The following ZNF98 variants were observed in gnomAD, a reference collection of about 807,000 sequenced individuals.
ZNF98 encodes zinc finger protein 739.
In ZNF98, 8 loss-of-function variants were observed where a neutral mutation model predicts 12.8. That is an observed-to-expected ratio of 0.63 (90% CI 0.37 to 1.13). The LOEUF is 1.13. ZNF98 is among the 50% of genes most tolerant of loss of function. The probability of loss-of-function intolerance (pLI) is 0.01; values close to 1 mark genes in which losing one functional copy is unlikely to be tolerated. For synonymous variants in ZNF98, 112 were observed against 223.5 expected (o/e 0.50, Z 4.45); for missense variants, 379 against 666.1 (o/e 0.57, Z 4.74).
intron 1 of ZNF98, among the ~76,000 whole-genome samples, chr19:22,404,809 T>C (rs1289328313): frequency 2.0e-5 from 3 of 152,206 alleles, no homozygotes; most frequent in Non-Finnish European, 4.4e-5. Context: ...ATAATTTTTT[T>C]TTCAAAACTG....
chr19:22,412,988 G>A (rs1969596248), intron 1 of ZNF98, among the ~76,000 whole-genome samples: 1 of 152,120 alleles, frequency 6.6e-6, no homozygotes, highest in Non-Finnish European at 1.5e-5. Flanking sequence ...ACGAGGCGGA[G>A]CTTGCAGTGA....
intron 1 of ZNF98, among the ~76,000 whole-genome samples, chr19:22,420,127 C>T (rs1941721976): frequency 6.6e-6 from 1 of 152,158 alleles, no homozygotes; most frequent in Non-Finnish European, 1.5e-5. Flanking sequence ...CGCGCCACTG[C>T]ACTCCAGCCT....
chr19:22,404,780 A>G (rs1247081491), intron 1 of ZNF98, among the ~76,000 whole-genome samples: 3 of 152,204 alleles, frequency 2.0e-5, no homozygotes, highest in Non-Finnish European at 2.9e-5. Flanking sequence ...TTCACACCCT[A>G]AAGAGCAAGT....
chr19:22,416,116 C>T (rs1568296706), intron 1 of ZNF98, among the ~76,000 whole-genome samples: 1 of 151,012 alleles, frequency 6.6e-6, no homozygotes, highest in East Asian at 2.0e-4. Context: ...TGCACTCCAG[C>T]CTGGGCAACA....
intron 3 of ZNF98, among the ~76,000 whole-genome samples, chr19:22,401,863 T>C (rs1354699116): frequency 6.6e-6 from 1 of 151,834 alleles, no homozygotes; most frequent in Non-Finnish European, 1.5e-5. Flanking sequence ...TTCCAGTATT[T>C]TTTTTTTACA....
intron 1 of ZNF98, among the ~76,000 whole-genome samples, chr19:22,411,187 C>T (rs867543770): frequency 8.6e-5 from 13 of 151,868 alleles, no homozygotes; most frequent in Middle Eastern, 3.2e-3. Flanking sequence ...GAACTACAGG[C>T]ATGCGCCACC....
chr19:22,398,197 G>GA (rs1969418874), intron 3 of ZNF98, among the ~76,000 whole-genome samples: 1 of 152,168 alleles, frequency 6.6e-6, no homozygotes, highest in African/African-American at 2.4e-5. Flanking sequence ...AAATGAGCCA[G>GA]CCACAAACAG....
At position 22,413,904 on chromosome 19, in the gene ZNF98, CACAA is replaced by C. The variant is rs201955335; in HGVS notation, c.30+8287_30+8290del. 6.8e-3 allele frequency among the ~76,000 whole-genome samples: 892 copies of C among 130,948 alleles called. 10 individuals carry two copies. Among genetic ancestry groups the C allele is most frequent in the African/African-American group, 0.024 (847 of 34,880 alleles). The allele number at this position is 130,948 out of a possible 152,430, so 85.9% of individuals were successfully genotyped here. A position where few individuals can be genotyped will look rare whatever the true frequency, so the allele number is the denominator to read the frequency against. On this transcript the variant is annotated intron_variant, in intron 1 of 3. Transcript: ENST00000357774. The stretch of plus-strand genomic sequence containing the variant: ...AAAAAAAAAAAAAAGTCAGAGATGA[CACAA>C]ACAAATGGAAAACCATTTTATGCTC...
intron 3 of ZNF98, among the ~76,000 whole-genome samples, chr19:22,394,344 C>G (rs1255612633): frequency 2.6e-5 from 4 of 151,312 alleles, no homozygotes; most frequent in African/African-American, 9.7e-5. Flanking sequence ...GGGTATATAC[C>G]CAAAGGATTA....
chr19:22,395,259 C>G (rs1462286418), intron 3 of ZNF98, among the ~76,000 whole-genome samples: 6 of 149,700 alleles, frequency 4.0e-5, no homozygotes, highest in Admixed American at 2.0e-4. Context: ...AGACAAGGCA[C>G]ATCCTAAGAA....
chr19:22,414,729 T>C (rs1361867523), intron 1 of ZNF98, among the ~76,000 whole-genome samples: 7 of 152,028 alleles, frequency 4.6e-5, no homozygotes, highest in Non-Finnish European at 8.8e-5. Flanking sequence ...TATACAAAAA[T>C]CAACTAAAGA....
intron 3 of ZNF98, among the ~76,000 whole-genome samples, chr19:22,397,991 G>A: frequency 6.6e-6 from 1 of 150,716 alleles, no homozygotes; most frequent in Non-Finnish European, 1.5e-5. Context: ...CACATGAAGA[G>A]TCATTTGCAT....
intron 3 of ZNF98, among the ~76,000 whole-genome samples, chr19:22,394,812 G>T (rs1969371811): frequency 6.6e-6 from 1 of 152,078 alleles, no homozygotes; most frequent in Non-Finnish European, 1.5e-5. Flanking sequence ...AAATAAATAA[G>T]AAAGGTAAGT....
In ZNF98 at chr19:22,391,091, G is replaced by A. The variant is rs577722206; in HGVS notation, c.*425C>T. ...TATAAATTCTCTGATGTTGAACAAA[G>A]TTTGAGCAATTGCCTCAGGGTTTGC... On this transcript the variant is annotated 3_prime_UTR_variant, in exon 4 of 4. Transcript: ENST00000357774. 1 of 157,474 alleles carries A rather than the reference G, an allele frequency of 6.4e-6. No homozygotes were observed. The highest frequency in any genetic ancestry group is 6.2e-5 in the Admixed American group (1 of 16,212). The allele number at this position is 157,474 out of a possible 1,614,324, so 9.8% of individuals were successfully genotyped here.
intron 1 of ZNF98, 61 bp downstream of exon 1, chr19:22,422,134 T>C: frequency 6.2e-7 from 1 of 1,606,952 alleles, no homozygotes; most frequent in South Asian, 1.1e-5. Flanking sequence ...CCACAGCCTC[T>C]TCCCACCGGT....
In ZNF98 at chr19:22,391,396, G is replaced by A. The variant is rs1969319867; in HGVS notation, c.*120C>T. 11 of 1,476,090 alleles carry A rather than the reference G, an allele frequency of 7.5e-6. No homozygotes were observed. Among genetic ancestry groups the A allele is most frequent in the East Asian group, 2.5e-5 (1 of 40,660 alleles). The allele number at this position is 1,476,090 out of a possible 1,614,324, so 91.4% of individuals were successfully genotyped here. On this transcript the variant is annotated 3_prime_UTR_variant, in exon 4 of 4. Transcript: ENST00000357774. Reference sequence around the variant, plus strand: ...AAGGCTTTCCTGTGCAATAAGGTTTGAGCATTGTGTAAGTTTTGCCACACT... The same window carrying A: ...AAGGCTTTCCTGTGCAATAAGGTTTAAGCATTGTGTAAGTTTTGCCACACT...
intron 1 of ZNF98, among the ~76,000 whole-genome samples, chr19:22,417,371 T>C (rs1036662439): frequency 8.6e-5 from 13 of 152,028 alleles, no homozygotes; most frequent in Non-Finnish European, 1.8e-4. Context: ...TGCTTGGTGC[T>C]ATGCTTAGTA....
chr19:22,411,067 G>C (rs1222706884), intron 1 of ZNF98, among the ~76,000 whole-genome samples: 2 of 151,822 alleles, frequency 1.3e-5, no homozygotes. Flanking sequence ...TTTACTTATT[G>C]AGTCTCGCTC....
chr19:22,405,501 C>G (rs567251381), intron 1 of ZNF98, among the ~76,000 whole-genome samples: 4 of 152,140 alleles, frequency 2.6e-5, no homozygotes, highest in African/African-American at 9.6e-5. Flanking sequence ...GGAAGGGGAG[C>G]CCCCACCCCC....
Sources: gnomAD v4.1 joint callset for allele counts (sites outside exome capture counted in the v4.1 genomes callset) on GRCh38, gnomAD v4.1.1 for gene constraint, MANE v1.5 for transcripts, NCBI Gene and HGNC (gene_info 2026-07-23, HGNC 2026-07-21) for gene names.